Variants in PCLO observed in about 807,000 individuals in gnomAD.
The protein encoded by PCLO is protein piccolo.
PCLO carries 82 observed loss-of-function variants against 427.5 expected under a neutral mutation model. The observed-to-expected ratio is 0.19, with a 90% CI of 0.16 to 0.23. The LOEUF (loss-of-function observed/expected upper bound fraction) is 0.23, where lower values mean the gene tolerates loss of function less well. Ranked by LOEUF, PCLO falls within the 10% of genes least tolerant of loss-of-function variation. The probability of loss-of-function intolerance (pLI) is 1.00; values close to 1 mark genes in which losing one functional copy is unlikely to be tolerated. For missense variants in PCLO, 6,239 were observed against 6,115.9 expected (o/e 1.02, Z -0.67); for synonymous variants, 2,357 against 2,155.4 (o/e 1.09, Z -2.59).
chr7:82,954,267 G>A lies in PCLO; in HGVS notation c.6686C>T (p.Ser2229Leu). 6.2e-7 allele frequency: 1 copy of A among 1,613,634 alleles called. No individual in the cohort carries two copies. Among genetic ancestry groups the A allele is most frequent in the Admixed American group, 1.7e-5 (1 of 59,994 alleles). ...KFEDSEEISS[S>L]TYFPGSIIDY... ...TATAATGCTGCCTGGAAAATAAGTTGATGAAGAAATTTCCTCAGAATCTTC... is the reference window on the plus strand; with the variant it reads ...TATAATGCTGCCTGGAAAATAAGTTAATGAAGAAATTTCCTCAGAATCTTC... The change falls in exon 5 of 25, where the codon TCA becomes TTA. Residue 2229 changes from serine to leucine, a missense_variant. By Grantham distance (145) the Ser-to-Leu change is moderately radical (BLOSUM62 -2). Around this residue, in one of 5 missense-constraint regions of PCLO, gnomAD observed 4,677 missense variants for 4,468.4 expected, o/e 1.05. Coordinates refer to ENST00000333891, the MANE Select transcript of PCLO (RefSeq NM_033026.6).
At chr7:82,993,991 A>C (rs1796438350) in intron 3 of PCLO, among the ~76,000 whole-genome samples, 2 of 152,074 alleles carry the variant, frequency 1.3e-5, no homozygotes, top group African/African-American at 4.8e-5. Context: ...TAAAGGAGAT[A>C]AATAATTGGG....
intron 3 of PCLO, among the ~76,000 whole-genome samples, chr7:83,069,266 G>A (rs956656571): frequency 1.3e-5 from 2 of 152,112 alleles, no homozygotes; most frequent in Admixed American, 6.6e-5. Context: ...TGGGCCTGCA[G>A]AACTGGCGTA....
At chr7:82,810,577 T>G (rs1791548901) in intron 20 of PCLO, among the ~76,000 whole-genome samples, 1 of 151,732 alleles carries the variant, frequency 6.6e-6, no homozygotes, top group African/African-American at 2.4e-5. Flanking sequence ...TGTAACTCAA[T>G]TAATTGAGGG....
At chr7:83,006,988 T>C (rs1787962435) in intron 3 of PCLO, among the ~76,000 whole-genome samples, 1 of 151,414 alleles carries the variant, frequency 6.6e-6, no homozygotes, top group East Asian at 1.9e-4. Flanking sequence ...ATTACGTTAA[T>C]TTACTTATTG....
intron 21 of PCLO, 79 bp from the exon 22 acceptor site, chr7:82,801,670 A>G (rs1439046170): frequency 2.4e-6 from 2 of 839,402 alleles, no homozygotes; most frequent in African/African-American, 1.7e-5. Flanking sequence ...CATAAATAAA[A>G]TGACATTGAT....
At chr7:82,838,076 G>A (rs1792272668) in intron 15 of PCLO, 142 bp downstream of exon 15, 1 of 631,442 alleles carries the variant, frequency 1.6e-6, no homozygotes, top group East Asian at 3.2e-5. Flanking sequence ...TCTACTAATT[G>A]GAAATAAATA....
intron 3 of PCLO, among the ~76,000 whole-genome samples, chr7:83,090,163 G>A (rs1200246788): frequency 5.9e-5 from 9 of 152,052 alleles, no homozygotes; most frequent in South Asian, 2.1e-4. Flanking sequence ...TTAGCTGGGC[G>A]TGGTGGTGCA....
intron 19 of PCLO, 126 bp downstream of exon 19, chr7:82,824,110 T>C: frequency 3.2e-6 from 2 of 620,560 alleles, no homozygotes; most frequent in South Asian, 2.5e-5. Flanking sequence ...CATGACATTA[T>C]ATTAAGTATT....
At chr7:83,024,491 T>C (rs1583920783) in intron 3 of PCLO, among the ~76,000 whole-genome samples, 1 of 152,104 alleles carries the variant, frequency 6.6e-6, no homozygotes, top group East Asian at 1.9e-4. Context: ...AGCACGGCAG[T>C]CTGAGATCAG....
At chr7:82,911,663 G>T (rs1055747571) in intron 7 of PCLO, among the ~76,000 whole-genome samples, 2 of 151,822 alleles carry the variant, frequency 1.3e-5, no homozygotes, top group Non-Finnish European at 2.9e-5. Context: ...TCACTCTGTC[G>T]CCAGGCAGGA....
chr7:83,035,258 T>A (rs938133946), intron 3 of PCLO, among the ~76,000 whole-genome samples: 1 of 152,172 alleles, frequency 6.6e-6, no homozygotes, highest in African/African-American at 2.4e-5. Context: ...TATACCAAAA[T>A]TGGAGACAGG....
chr7:83,138,828 G>T (rs1233235777), intron 2 of PCLO, among the ~76,000 whole-genome samples: 2 of 151,764 alleles, frequency 1.3e-5, no homozygotes, highest in African/African-American at 4.8e-5. Flanking sequence ...GGCCTCTCGG[G>T]GGGTGGGGAA....
At chr7:82,834,675 C>T (rs1315345038) in intron 16 of PCLO, among the ~76,000 whole-genome samples, 1 of 152,070 alleles carries the variant, frequency 6.6e-6, no homozygotes. Flanking sequence ...ATTTATAATG[C>T]AATGAGAGAT....
chr7:83,150,303 T>G (rs1382244095), intron 2 of PCLO, among the ~76,000 whole-genome samples: 1 of 152,280 alleles, frequency 6.6e-6, no homozygotes, highest in East Asian at 1.9e-4. Context: ...TTAGAGAGAT[T>G]TATTCAATTA....
At chr7:82,761,962 A>G (rs376797840) in intron 22 of PCLO, among the ~76,000 whole-genome samples, 1 of 152,212 alleles carries the variant, frequency 6.6e-6, no homozygotes, top group East Asian at 1.9e-4. Context: ...GACTCTATCA[A>G]GGGATATGAC....
Position 82,954,926 on chromosome 7 carries a change from G to C in PCLO, c.6027C>G (p.Asp2009Glu), listed in dbSNP as rs1329860032. The change falls in exon 5 of 25, where the codon GAC becomes GAG. Residue 2009 changes from aspartate (D) to glutamate (E), a missense_variant. By Grantham distance (45) the Asp-to-Glu change is conservative. Around this residue, in one of 5 missense-constraint regions of PCLO, gnomAD observed 4,677 missense variants for 4,468.4 expected, o/e 1.05. Coordinates refer to ENST00000333891, the MANE Select transcript of PCLO (RefSeq NM_033026.6). ...CTAACTCATAAAACTCTTTCTGGAG[G>C]TCTGTAATTTTCTGCATAGGATCTT... ...IYEDPMQKIT[D>E]LQKEFYELES... 6.2e-7 allele frequency: 1 copy of C among 1,613,514 alleles called. No homozygotes were observed. Among genetic ancestry groups the C allele is most frequent in the Non-Finnish European group, 8.5e-7 (1 of 1,179,750 alleles).
chr7:82,898,232 A>T (rs1258571373), intron 9 of PCLO, among the ~76,000 whole-genome samples: 1 of 151,414 alleles, frequency 6.6e-6, no homozygotes, highest in African/African-American at 2.4e-5. Context: ...CAGCATGAAA[A>T]AGGCAAATTC....
Position 83,135,367 on chromosome 7 carries a change from G to C in PCLO, c.2183C>G (p.Ser728Cys). Residue 728 changes from serine (S) to cysteine (C), a missense_variant, in exon 3 of 25, where the codon TCT becomes TGT. Transcript: ENST00000333891. ...TTTGGGAGGGGCTGGCTTGGACAAAGAATCTGCCTCAGGGGGCTGCTTGGC... is the reference window on the plus strand; with the variant it reads ...TTTGGGAGGGGCTGGCTTGGACAAACAATCTGCCTCAGGGGGCTGCTTGGC... ...AKAKQPPEAD[S>C]LSKPAPPKEP... The C allele has an allele frequency of 6.2e-7, 1 of 1,613,992 alleles. No homozygotes were observed. Among genetic ancestry groups the C allele is most frequent in the Non-Finnish European group, 8.5e-7 (1 of 1,179,886 alleles).
chr7:82,811,170 C>G (rs948789767), intron 20 of PCLO, among the ~76,000 whole-genome samples: 2 of 151,390 alleles, frequency 1.3e-5, no homozygotes, highest in South Asian at 4.1e-4. Flanking sequence ...TTAAGATTAA[C>G]CGAAATAAAA....
Sources: allele counts gnomAD v4.1 joint callset (sites outside exome capture counted in the v4.1 genomes callset), GRCh38; gene constraint gnomAD v4.1.1; regional missense constraint gnomAD v4.1.1; transcripts MANE v1.5; gene names NCBI Gene and HGNC (gene_info 2026-07-23, HGNC 2026-07-21).